TLE3: variants seen among roughly 807,000 people sequenced by gnomAD.
The protein encoded by TLE3 is transducin-like enhancer protein 3.
TLE3 carries 14 observed loss-of-function variants against 93.0 expected under a neutral mutation model. The observed-to-expected ratio is 0.15, with a 90% CI of 0.10 to 0.24. The LOEUF (loss-of-function observed/expected upper bound fraction) is 0.24, where lower values mean the gene tolerates loss of function less well. Among genes scored for constraint, TLE3 ranks in the 10% least tolerant of loss-of-function variants. The pLI is 1.00. For synonymous variants in TLE3, 451 were observed against 425.0 expected (o/e 1.06, Z -0.75); for missense variants, 693 against 1,046.6 (o/e 0.66, Z 4.66).
At chr15:70,060,892 A>G (rs2056430186) in intron 8 of TLE3, 2 of 529,776 alleles carry the variant, frequency 3.8e-6, no homozygotes, top group South Asian at 3.3e-5. Context: ...GCAGCTCTGC[A>G]CTGCTATTAA....
chr15:70,082,965 G>A (rs1174984446), intron 4 of TLE3, among the ~76,000 whole-genome samples: 3 of 151,278 alleles, frequency 2.0e-5, no homozygotes, highest in Non-Finnish European at 4.4e-5. Context: ...CAGTGTAAGG[G>A]AACTGGGGAT....
chr15:70,091,875 T>C (rs560823259), intron 4 of TLE3, among the ~76,000 whole-genome samples: 50 of 152,090 alleles, frequency 3.3e-4, no homozygotes, highest in African/African-American at 1.2e-3. Context: ...GATGGTGGAG[T>C]GCGTGTGCGT....
At chr15:70,084,911 A>G (rs1352407197) in intron 4 of TLE3, among the ~76,000 whole-genome samples, 1 of 152,198 alleles carries the variant, frequency 6.6e-6, no homozygotes, top group Non-Finnish European at 1.5e-5. Context: ...GTTTTGTGCT[A>G]AGCAGGCTAT....
intron 14 of TLE3, 65 bp downstream of exon 14, chr15:70,056,232 AT>A: frequency 6.5e-7 from 1 of 1,531,172 alleles, no homozygotes; most frequent in African/African-American, 1.4e-5. Flanking sequence ...CGTTGTTGGA[AT>A]TGGGGGTAGA....
At chr15:70,085,552 T>C (rs1474592474) in intron 4 of TLE3, among the ~76,000 whole-genome samples, 3 of 151,878 alleles carry the variant, frequency 2.0e-5, no homozygotes, top group African/African-American at 7.3e-5. Context: ...AGAAGTAAGG[T>C]AAAAAACCAG....
At chr15:70,084,657 G>T (rs934354940) in intron 4 of TLE3, among the ~76,000 whole-genome samples, 1 of 152,190 alleles carries the variant, frequency 6.6e-6, no homozygotes, top group Non-Finnish European at 1.5e-5. Context: ...CCACTGGTCT[G>T]CTGTGCAACA....
chr15:70,059,980 C>T (rs116245965), intron 9 of TLE3, among the ~76,000 whole-genome samples: 1,799 of 152,338 alleles, frequency 0.012, 32 homozygotes, highest in African/African-American at 0.042. Context: ...TGCAAGACCG[C>T]TGAGGCCCTG....
In TLE3 at chr15:70,066,065, C is replaced by G; in HGVS notation, c.526G>C (p.Ala176Pro). 6.3e-7 allele frequency: 1 copy of G among 1,594,146 alleles called. No individual in the cohort carries two copies. The highest frequency in any genetic ancestry group is 2.3e-5 in the East Asian group (1 of 43,602). The change falls in exon 7 of 20, where the codon GCC becomes CCC. Residue 176 changes from alanine to proline, a missense_variant. Coordinates refer to ENST00000451782, the MANE Select transcript of TLE3 (RefSeq NM_001105192.3). ...LLALGALGSQ[A>P]HLTVKDEKNH... ...TTCTCATCCTTCACCGTCAGATGGG[C>G]CTGGCTGCCCAGGGCGCCCAGTGCC... is the stretch of plus-strand genomic sequence containing the variant.
In TLE3 at chr15:70,065,994, C is replaced by CA; in HGVS notation, c.577+19_577+20insT. The CA allele has an allele frequency of 3.2e-6, 5 of 1,550,580 alleles. No homozygotes were observed. The highest frequency in any genetic ancestry group is 1.4e-5 in the African/African-American group (1 of 73,622). On this transcript the variant is annotated intron_variant, in intron 7 of 19. Coordinates refer to ENST00000451782, the MANE Select transcript of TLE3 (RefSeq NM_001105192.3). ...GCCCACCCCTGCCCCGCCCCACCCTCTGCCCCAGCCCAGCCGCACCTCTGT... is the reference window on the plus strand; with the variant it reads ...GCCCACCCCTGCCCCGCCCCACCCTCATGCCCCAGCCCAGCCGCACCTCTGT...
rs549778091 is a variant in TLE3, at chr15:70,060,999, C to A, written c.595-350G>T. On this transcript the variant is annotated intron_variant, in intron 8 of 19. Transcript: ENST00000451782. ...TGGGTCTCATTCACCACCCATCTCG[C>A]GCTTGCCACACTCATTTGCTCAAAG... is the stretch of plus-strand genomic sequence containing the variant. 3.0e-4 allele frequency among the ~76,000 whole-genome samples: 45 copies of A among 152,316 alleles called. 1 individual carries two copies. In the South Asian group the frequency reaches 9.3e-3, roughly 32 times the overall value.
chr15:70,096,822 A>AGAGC lies in TLE3; in HGVS notation c.-28_-25dup. 1 of 1,605,334 alleles carries AGAGC rather than the reference A, an allele frequency of 6.2e-7. No individual in the cohort carries two copies. The highest frequency in any genetic ancestry group is 8.5e-7 in the Non-Finnish European group (1 of 1,176,526). On this transcript the variant is annotated 5_prime_UTR_variant, in exon 1 of 20. Coordinates refer to ENST00000451782, the MANE Select transcript of TLE3 (RefSeq NM_001105192.3). ...ATGGCAGGGAGGGGTCGTGATTCCGAGAGCGTGGAAGCGCCGAGAGCCCGG... is the reference window on the plus strand; with the variant it reads ...ATGGCAGGGAGGGGTCGTGATTCCGAGAGCGAGCGTGGAAGCGCCGAGAGCCCGG...
At chr15:70,065,952 G>T in intron 7 of TLE3, 62 bp downstream of exon 7, 1 of 1,487,238 alleles carries the variant, frequency 6.7e-7, no homozygotes, top group East Asian at 2.3e-5. Flanking sequence ...CTCACTGTGA[G>T]GCCTATGAGC....
At chr15:70,059,027 A>G (rs1240806048) in intron 10 of TLE3, among the ~76,000 whole-genome samples, 3 of 152,322 alleles carry the variant, frequency 2.0e-5, no homozygotes, top group Non-Finnish European at 4.4e-5. Flanking sequence ...CCAATGTCAA[A>G]CACAAGTTCA....
At chr15:70,082,419 A>G (rs948869889) in intron 4 of TLE3, among the ~76,000 whole-genome samples, 4 of 152,058 alleles carry the variant, frequency 2.6e-5, no homozygotes, top group Non-Finnish European at 4.4e-5. Context: ...GCAGTGCTAC[A>G]ATGTAAGAAG....
rs764644531 is a variant in TLE3 at position 70,076,123 on chromosome 15, T to A, written c.270A>T (p.Ala90=). ...EIAKRLNTIL[A]QIMPFLSQEH... ...CTTGTGACAGGAAAGGCATGATCTG[T>A]GCTAAAATTGTGTTCAGTCTCTTCG... Residue 90 remains alanine (A), a synonymous_variant, in exon 5 of 20, where the codon GCA becomes GCT. Transcript: ENST00000451782. 3 of 1,614,006 alleles carry A rather than the reference T, an allele frequency of 1.9e-6. No individual in the cohort carries two copies. Among genetic ancestry groups the A allele is most frequent in the Middle Eastern group, 1.7e-4 (1 of 6,060 alleles).
rs935266330 is a variant in TLE3, at chr15:70,056,451, C to T, written c.1252-77G>A. 11 of 1,399,898 alleles carry T rather than the reference C, an allele frequency of 7.9e-6. No individual in the cohort carries two copies. The African/African-American group carries it at 1.5e-4, about 20-fold the overall frequency. 86.7% of individuals were successfully genotyped at this position (1,399,898 alleles called of 1,614,324 possible). ...CACCCCTGCCTCCTCCACCACCCACCCGGGGTCCTACCTGCACGGCTCTGC... is the reference window on the plus strand; with the variant it reads ...CACCCCTGCCTCCTCCACCACCCACTCGGGGTCCTACCTGCACGGCTCTGC... On this transcript the variant is annotated intron_variant, in intron 13 of 19. Transcript: ENST00000451782.
At chr15:70,089,078 G>C (rs74021485) in intron 4 of TLE3, among the ~76,000 whole-genome samples, 2 of 152,224 alleles carry the variant, frequency 1.3e-5, no homozygotes, top group African/African-American at 4.8e-5. Context: ...TTCCGAAGAC[G>C]TGTGGCTTCT....
chr15:70,065,994 C>A lies in TLE3; in HGVS notation c.577+20G>T. On this transcript the variant is annotated intron_variant, in intron 7 of 19. Coordinates refer to ENST00000451782, the MANE Select transcript of TLE3 (RefSeq NM_001105192.3). The stretch of plus-strand genomic sequence containing the variant: ...GCCCACCCCTGCCCCGCCCCACCCT[C>A]TGCCCCAGCCCAGCCGCACCTCTGT... 8 of 1,550,572 alleles carry A rather than the reference C, an allele frequency of 5.2e-6. No individual in the cohort carries two copies. Among genetic ancestry groups the A allele is most frequent in the Non-Finnish European group, 7.1e-6 (8 of 1,126,758 alleles).
chr15:70,085,463 C>A (rs1216962619), intron 4 of TLE3, among the ~76,000 whole-genome samples: 1 of 152,174 alleles, frequency 6.6e-6, no homozygotes, highest in East Asian at 1.9e-4. Context: ...CATTCAACAT[C>A]CTGGGAGTTT....
Sources: allele counts gnomAD v4.1 joint callset (sites outside exome capture counted in the v4.1 genomes callset), GRCh38; gene constraint gnomAD v4.1.1; transcripts MANE v1.5; gene names NCBI Gene and HGNC (gene_info 2026-07-23, HGNC 2026-07-21).